The following PLAG1 variants were observed in gnomAD, a reference collection of about 807,000 sequenced individuals.
PLAG1 encodes the protein PLAG1 zinc finger.
PLAG1 carries 7 observed loss-of-function variants against 35.5 expected under a neutral mutation model. That is an observed-to-expected ratio of 0.20 (90% confidence interval 0.11 to 0.37). PLAG1 has a LOEUF of 0.37. Among genes scored for constraint, PLAG1 ranks in the 10% least tolerant of loss-of-function variants. The probability of loss-of-function intolerance (pLI) is 1.00; values close to 1 mark genes in which losing one functional copy is unlikely to be tolerated. For synonymous variants in PLAG1, 229 were observed against 225.4 expected, an observed-to-expected ratio of 1.02 and a Z score of -0.14; for missense variants, 454 against 602.8, an observed-to-expected ratio of 0.75 and a Z score of 2.58.
In PLAG1 at chr8:56,166,972, C is replaced by T. The variant is rs779840248; in HGVS notation, c.774G>A (p.Val258=). 7.4e-6 allele frequency: 12 copies of T among 1,613,978 alleles called. No homozygotes were observed. The highest frequency in any genetic ancestry group is 1.0e-5 in the Non-Finnish European group (12 of 1,179,998). Reference sequence around the variant, plus strand: ...GGAGCTCGTCTTTTATAGGCACAGACACATTGCAGGTAAATGGGTCAAGGA... The same window carrying T: ...GGAGCTCGTCTTTTATAGGCACAGATACATTGCAGGTAAATGGGTCAAGGA... ...VDFLDPFTCN[V]SVPIKDELLP... Residue 258 remains valine, a synonymous_variant, in exon 5 of 5, where the codon GTG becomes GTA. Coordinates refer to ENST00000316981, the MANE Select transcript of PLAG1 (RefSeq NM_002655.3).
intron 1 of PLAG1, among the ~76,000 whole-genome samples, chr8:56,208,271 A>C (rs1012563487): frequency 3.3e-5 from 5 of 152,108 alleles, no homozygotes; most frequent in Non-Finnish European, 7.4e-5. Context: ...GCATTCTGAA[A>C]CCTCTGGACA....
chr8:56,207,725 G>A (rs1812737856), intron 1 of PLAG1, among the ~76,000 whole-genome samples: 1 of 151,994 alleles, frequency 6.6e-6, no homozygotes, highest in Non-Finnish European at 1.5e-5. Context: ...TCTGTATACT[G>A]GTATAATTTA....
Position 56,167,367 on chromosome 8 carries a change from C to T in PLAG1, c.379G>A (p.Gly127Ser), listed in dbSNP as rs1393755227. The change falls in exon 5 of 5, where the codon GGC becomes AGC. Residue 127 changes from glycine (G) to serine (S), a missense_variant. Physicochemically the swap from Gly to Ser is moderately conservative, Grantham distance 56 (BLOSUM62 0). This residue lies in a region of PLAG1 where 170 missense variants were observed against 226.3 expected (regional missense o/e 0.75). Coordinates refer to ENST00000316981, the MANE Select transcript of PLAG1 (RefSeq NM_002655.3). The surrounding 1 kb of genome is among the most constrained non-coding windows in gnomAD (Gnocchi z 5.9). ...NKETFKCEEC[G>S]KNYNTKLGFK... ...CCAAGCTTGGTATTGTAGTTCTTGC[C>T]ACATTCTTCGCACTTAAACGTCTCT... 6 of 1,614,052 alleles carry T rather than the reference C, an allele frequency of 3.7e-6. No homozygotes were observed. The Admixed American group carries it at 1.0e-4, about 27-fold the overall frequency.
rs144220904 is a variant in PLAG1 at position 56,172,788 on chromosome 8, T to C, written c.-216-1599A>G. Among the ~76,000 whole-genome samples, 647 of 152,342 alleles carry C rather than the reference T, an allele frequency of 4.2e-3. 7 individuals carry two copies. Among genetic ancestry groups the C allele is most frequent in the African/African-American group, 0.015 (627 of 41,592 alleles). ...GTTAGCAAACCAATTTGCAAGTGGA[T>C]AAATCCTGTCACTATCCTTAAAAGA... On this transcript the variant is annotated intron_variant, in intron 2 of 4. Transcript: ENST00000316981.
rs1368124236 is a variant in PLAG1 at position 56,164,152 on chromosome 8, T to G, written c.*2091A>C. 5.3e-6 allele frequency: 1 copy of G among 188,104 alleles called. No individual in the cohort carries two copies. Among genetic ancestry groups the G allele is most frequent in the Non-Finnish European group, 1.1e-5 (1 of 89,026 alleles). 11.7% of individuals were successfully genotyped at this position (188,104 alleles called of 1,614,324 possible). On this transcript the variant is annotated 3_prime_UTR_variant, in exon 5 of 5. Coordinates refer to ENST00000316981, the MANE Select transcript of PLAG1 (RefSeq NM_002655.3). The stretch of plus-strand genomic sequence containing the variant: ...ATTAACATATATAATTTTAATGCCT[T>G]TGGAACACACTTTTTTAATAAATGT...
At chr8:56,168,946 G>A (rs148022004) in intron 3 of PLAG1, among the ~76,000 whole-genome samples, 2 of 152,262 alleles carry the variant, frequency 1.3e-5, no homozygotes, top group East Asian at 1.9e-4. Flanking sequence ...TGCACCACCC[G>A]AAGTGATGCA....
rs1811326807 is a variant in PLAG1 at position 56,165,458 on chromosome 8, A to C, written c.*785T>G. On this transcript the variant is annotated 3_prime_UTR_variant, in exon 5 of 5. Coordinates refer to ENST00000316981, the MANE Select transcript of PLAG1 (RefSeq NM_002655.3). ...TATCGACTCTGAAGACCCCAATGCC[A>C]TACACTATTACTATTATTAAATGAA... The C allele has an allele frequency of 9.3e-6, 2 of 215,332 alleles. No individual in the cohort carries two copies. 13.3% of individuals were successfully genotyped at this position (215,332 alleles called of 1,614,324 possible). A position where few individuals can be genotyped will look rare whatever the true frequency, so the allele number is the denominator to read the frequency against.
At chr8:56,201,225 T>C (rs1038535546) in intron 1 of PLAG1, among the ~76,000 whole-genome samples, 1 of 152,210 alleles carries the variant, frequency 6.6e-6, no homozygotes, top group Non-Finnish European at 1.5e-5. Flanking sequence ...CATCTAAAAT[T>C]AACCAAGCTA....
chr8:56,193,496 T>C (rs1302431843), intron 1 of PLAG1, among the ~76,000 whole-genome samples: 1 of 152,136 alleles, frequency 6.6e-6, no homozygotes, highest in Non-Finnish European at 1.5e-5. Context: ...ATTTATACAG[T>C]TTATGATGTT....
At chr8:56,208,231 T>G (rs1269952389) in intron 1 of PLAG1, among the ~76,000 whole-genome samples, 1 of 152,120 alleles carries the variant, frequency 6.6e-6, no homozygotes, top group Non-Finnish European at 1.5e-5. Context: ...AAACGTAAGA[T>G]AAAATGAAAA....
At chr8:56,173,391 A>T (rs1811588324) in intron 2 of PLAG1, among the ~76,000 whole-genome samples, 1 of 152,082 alleles carries the variant, frequency 6.6e-6, no homozygotes, top group African/African-American at 2.4e-5. Flanking sequence ...AGAAAGCAGG[A>T]CTGGTTAGAA....
At chr8:56,189,445 C>T (rs79341235) in intron 1 of PLAG1, among the ~76,000 whole-genome samples, 3,057 of 152,120 alleles carry the variant, frequency 0.02, 55 homozygotes, top group Non-Finnish European at 0.031. Flanking sequence ...CACAGAGCTC[C>T]GGGTAAGGGA....
intron 1 of PLAG1, among the ~76,000 whole-genome samples, chr8:56,205,965 C>T (rs1812688556): frequency 6.6e-6 from 1 of 151,976 alleles, no homozygotes; most frequent in Non-Finnish European, 1.5e-5. Context: ...GTTTATAAGA[C>T]ATCCAGGGAC....
At chr8:56,197,593 T>A (rs1365818518) in intron 1 of PLAG1, among the ~76,000 whole-genome samples, 4 of 152,218 alleles carry the variant, frequency 2.6e-5, no homozygotes. Flanking sequence ...AATATAAATA[T>A]AAACATAATT....
At position 56,200,165 on chromosome 8, in the gene PLAG1, C is replaced by T. The variant is rs191066718; in HGVS notation, c.-322+10956G>A. 2.5e-3 allele frequency among the ~76,000 whole-genome samples: 381 copies of T among 152,306 alleles called. 1 individual carries two copies. Among genetic ancestry groups the T allele is most frequent in the African/African-American group, 8.5e-3 (353 of 41,572 alleles). On this transcript the variant is annotated intron_variant, in intron 1 of 4. Transcript: ENST00000316981. ...TTCCCTGGATTCCCCGGCCTTCCCC[C>T]GCCATTCTTGGCTCTACAGCTACCT...
chr8:56,191,087 G>A (rs1481591173), intron 1 of PLAG1, among the ~76,000 whole-genome samples: 1 of 152,172 alleles, frequency 6.6e-6, no homozygotes, highest in African/African-American at 2.4e-5. Context: ...AACGACCACA[G>A]GCCCTGGACT....
At chr8:56,186,682 TAAA>T (rs34806294) in intron 1 of PLAG1, among the ~76,000 whole-genome samples, 79 of 138,626 alleles carry the variant, frequency 5.7e-4, no homozygotes, top group East Asian at 1.5e-3. Flanking sequence ...TGGTTAGCAT[TAAA>T]AAAAAAAAAA....
intron 3 of PLAG1, among the ~76,000 whole-genome samples, chr8:56,170,057 A>G (rs138828030): frequency 2.3e-4 from 35 of 152,348 alleles, no homozygotes; most frequent in African/African-American, 8.2e-4. Flanking sequence ...ACTCTATGTT[A>G]CAATAGGTCT....
intron 1 of PLAG1, among the ~76,000 whole-genome samples, chr8:56,199,280 T>C (rs528185118): frequency 6.6e-5 from 10 of 152,140 alleles, no homozygotes; most frequent in Non-Finnish European, 1.3e-4. Flanking sequence ...TTGCCAAACA[T>C]GTGGAATCCT....
Sources: allele counts gnomAD v4.1 joint callset (sites outside exome capture counted in the v4.1 genomes callset), GRCh38; gene constraint gnomAD v4.1.1; regional missense constraint gnomAD v4.1.1; non-coding constraint Gnocchi (gnomAD v3.1); transcripts MANE v1.5; gene names NCBI Gene and HGNC (gene_info 2026-07-23, HGNC 2026-07-21).